The following HFM1 variants were observed in gnomAD, a reference collection of about 807,000 sequenced individuals.
HFM1 encodes probable ATP-dependent DNA helicase HFM1.
A neutral mutation model predicts 192.1 loss-of-function variants in HFM1; 169 were observed. The ratio of observed to expected loss-of-function variants is 0.88; its 90% confidence interval spans 0.78 to 1.00. The LOEUF is 1.00. HFM1 is among the 50% of genes least tolerant of loss of function. The pLI, the probability that HFM1 is intolerant of heterozygous loss-of-function variation, is 0.00. For missense variants in HFM1, 1,661 were observed against 1,668.0 expected, an observed-to-expected ratio of 1.00 and a Z score of 0.07; for synonymous variants, 525 against 537.8, an observed-to-expected ratio of 0.98 and a Z score of 0.33.
rs376289805 is a variant in HFM1, at chr1:91,291,159, A to C, written c.3392-14097T>G. Among the ~76,000 whole-genome samples, 162 of 152,346 alleles carry C rather than the reference A, an allele frequency of 1.1e-3. 5 individuals are homozygous for C. The East Asian group carries it at 0.028, about 26-fold the overall frequency. On this transcript the variant is annotated intron_variant, in intron 30 of 38. Transcript: ENST00000370425. ...TAAAAGAACTAGAAAAGCAAGAGCA[A>C]ACACATTCAAAAGCTAGCAGAAGTC...
intron 4 of HFM1, among the ~76,000 whole-genome samples, chr1:91,386,818 T>C (rs1025019502): frequency 1.3e-5 from 2 of 152,170 alleles, no homozygotes; most frequent in African/African-American, 4.8e-5. Flanking sequence ...AGCAACTGCA[T>C]TTCACGCCAC....
chr1:91,263,648 G>C (rs549483141), intron 36 of HFM1, among the ~76,000 whole-genome samples: 9 of 152,174 alleles, frequency 5.9e-5, no homozygotes, highest in Admixed American at 1.3e-4. Flanking sequence ...AGCTACTTGG[G>C]AGGCCGAGGT....
intron 20 of HFM1, among the ~76,000 whole-genome samples, chr1:91,327,314 G>A (rs1653062714): frequency 6.6e-6 from 1 of 152,168 alleles, no homozygotes; most frequent in South Asian, 2.1e-4. Context: ...TCAGCACTTT[G>A]AGACAAGCGT....
At chr1:91,294,397 G>C (rs1215247535) in intron 30 of HFM1, among the ~76,000 whole-genome samples, 1 of 152,016 alleles carries the variant, frequency 6.6e-6, no homozygotes, top group Non-Finnish European at 1.5e-5. Context: ...TTTGTGTCTG[G>C]CTTCTTTTGC....
intron 6 of HFM1, among the ~76,000 whole-genome samples, chr1:91,384,484 A>C (rs768476229): frequency 1.3e-5 from 2 of 152,140 alleles, no homozygotes; most frequent in Non-Finnish European, 2.9e-5. Flanking sequence ...ATTTTCAAAA[A>C]TACTAGATCT....
rs1044698445 is a variant in HFM1, at chr1:91,355,010, T to C, written c.1686-1711A>G. On this transcript the variant is annotated intron_variant, in intron 13 of 38. Coordinates refer to ENST00000370425, the MANE Select transcript of HFM1 (RefSeq NM_001017975.6). ...CTATTATGAAGGTGAAAAATCAAAA[T>C]AGTCAAAAATACAGCTACAATGAGT... 2.5e-4 allele frequency among the ~76,000 whole-genome samples: 38 copies of C among 151,952 alleles called. 1 individual carries two copies. The highest frequency in any genetic ancestry group is 8.2e-4 in the African/African-American group (34 of 41,400).
intron 12 of HFM1, 34 bp from the exon 13 acceptor site, chr1:91,375,480 T>C (rs1433901353): frequency 3.1e-6 from 5 of 1,610,254 alleles, no homozygotes; most frequent in Non-Finnish European, 4.2e-6. Flanking sequence ...GTATTAATCA[T>C]GTTAAAAACT....
chr1:91,314,641 C>G (rs1650943182), intron 28 of HFM1, among the ~76,000 whole-genome samples: 1 of 152,140 alleles, frequency 6.6e-6, no homozygotes, highest in African/African-American at 2.4e-5. Context: ...ATCAATAACA[C>G]ATGAGCTTGC....
intron 30 of HFM1, among the ~76,000 whole-genome samples, chr1:91,309,933 T>TA (rs1223459257): frequency 5.3e-5 from 8 of 150,510 alleles, no homozygotes; most frequent in African/African-American, 9.8e-5. Flanking sequence ...TACTATCATT[T>TA]AAAAAAAAAG....
intron 30 of HFM1, among the ~76,000 whole-genome samples, chr1:91,287,261 G>C (rs1325719272): frequency 1.3e-5 from 2 of 152,230 alleles, no homozygotes; most frequent in African/African-American, 4.8e-5. Context: ...AAATGTCCCT[G>C]TCTGACAGCT....
chr1:91,389,629 G>T (rs571959776), intron 4 of HFM1, among the ~76,000 whole-genome samples: 2 of 152,140 alleles, frequency 1.3e-5, no homozygotes, highest in South Asian at 4.2e-4. Flanking sequence ...CTGGCACTCT[G>T]ATTTCTGACT....
chr1:91,277,655 C>T (rs1666984760), intron 30 of HFM1, among the ~76,000 whole-genome samples: 1 of 125,156 alleles, frequency 8.0e-6, no homozygotes, highest in Non-Finnish European at 1.6e-5. Flanking sequence ...ATAATATATA[C>T]TAATATATAT....
chr1:91,340,911 T>C (rs1260562285), intron 20 of HFM1, among the ~76,000 whole-genome samples: 1 of 152,244 alleles, frequency 6.6e-6, no homozygotes, highest in African/African-American at 2.4e-5. Flanking sequence ...TAAATATATA[T>C]GCATCTAATA....
At chr1:91,287,414 A>C (rs989979847) in intron 30 of HFM1, among the ~76,000 whole-genome samples, 1 of 152,086 alleles carries the variant, frequency 6.6e-6, no homozygotes, top group African/African-American at 2.4e-5. Flanking sequence ...GACACCTCAC[A>C]CGTCCGGGTA....
Position 91,375,718 on chromosome 1 carries a change from A to G in HFM1, c.1405T>C (p.Trp469Arg), listed in dbSNP as rs1267252353. ...GCTGGTCTTTCACCATCTGAAAGCC[A>G]TTCTGCAATCTTTGAAACACAAAAA... ...TIPNAEDIAEWLSDGERPAVC... is the reference protein window; with the variant it reads ...TIPNAEDIAERLSDGERPAVC... The change falls in exon 12 of 39, where the codon TGG becomes CGG. Residue 469 changes from tryptophan to arginine, a missense_variant. Transcript: ENST00000370425. 12 of 1,612,618 alleles carry G rather than the reference A, an allele frequency of 7.4e-6. No homozygotes were observed. Among genetic ancestry groups the G allele is most frequent in the Non-Finnish European group, 1.0e-5 (12 of 1,179,100 alleles).
At chr1:91,304,732 G>C (rs1354756797) in intron 30 of HFM1, among the ~76,000 whole-genome samples, 2 of 151,436 alleles carry the variant, frequency 1.3e-5, no homozygotes, top group African/African-American at 4.9e-5. Context: ...ACCCACCTCA[G>C]CCTCCCAAAG....
chr1:91,296,617 G>A (rs576982796), intron 30 of HFM1, among the ~76,000 whole-genome samples: 2 of 152,144 alleles, frequency 1.3e-5, no homozygotes, highest in Non-Finnish European at 2.9e-5. Flanking sequence ...AATTTGGGGA[G>A]AACTGACATC....
At chr1:91,314,234 CTT>C (rs1295445536) in intron 28 of HFM1, among the ~76,000 whole-genome samples, 174 bp from the exon 29 acceptor site, 2 of 152,174 alleles carry the variant, frequency 1.3e-5, no homozygotes, top group Admixed American at 6.5e-5. Flanking sequence ...ATGGAACTCT[CTT>C]GACCATGATT....
At chr1:91,353,388 T>C in intron 13 of HFM1, 89 bp from the exon 14 acceptor site, 1 of 715,656 alleles carries the variant, frequency 1.4e-6, no homozygotes, top group Non-Finnish European at 2.3e-6. Flanking sequence ...CTTAGAGATA[T>C]CAAAAAATTT....
Sources: gnomAD v4.1 joint callset for allele counts (sites outside exome capture counted in the v4.1 genomes callset) on GRCh38, gnomAD v4.1.1 for gene constraint, MANE v1.5 for transcripts, NCBI Gene and HGNC (gene_info 2026-07-23, HGNC 2026-07-21) for gene names.